Variants in USF3 observed in about 807,000 individuals in gnomAD.
USF3 encodes the protein basic helix-loop-helix domain-containing protein USF3.
USF3 carries 29 observed loss-of-function variants against 157.5 expected under a neutral mutation model. The ratio of observed to expected loss-of-function variants is 0.18; its 90% CI spans 0.14 to 0.25. The LOEUF (loss-of-function observed/expected upper bound fraction) is 0.25. USF3 is among the 10% of genes least tolerant of loss of function. The pLI is 1.00. For missense variants in USF3, 2,381 were observed against 2,667.6 expected, an observed-to-expected ratio of 0.89 and a Z score of 2.37; for synonymous variants, 893 against 941.4, an observed-to-expected ratio of 0.95 and a Z score of 0.94.
intron 1 of USF3, among the ~76,000 whole-genome samples, chr3:113,680,938 T>TA (rs1707407477): frequency 6.6e-6 from 1 of 152,174 alleles, no homozygotes; most frequent in Non-Finnish European, 1.5e-5. Flanking sequence ...TCTAGTTTCT[T>TA]AAGATGTACT....
At chr3:113,695,638 T>C (rs1323814500) in intron 1 of USF3, among the ~76,000 whole-genome samples, 1 of 152,200 alleles carries the variant, frequency 6.6e-6, no homozygotes, top group East Asian at 1.9e-4. Flanking sequence ...CAGTCTCATA[T>C]TTCCAGATAA....
chr3:113,655,484 A>C lies in USF3; in HGVS notation c.6198T>G (p.Ser2066=). The C allele has an allele frequency of 6.2e-7, 1 of 1,614,168 alleles. No homozygotes were observed. Among genetic ancestry groups the C allele is most frequent in the Non-Finnish European group, 8.5e-7 (1 of 1,180,026 alleles). ...QHTLSQNFGF[S]FIPEGGMNPP... ...GATTCATGCCACCCTCAGGAATAAA[A>C]GAAAAACCAAAATTTTGTGATAGTG... Residue 2066 remains serine, a synonymous_variant, in exon 7 of 7, where the codon TCT becomes TCG. Coordinates refer to ENST00000316407, the MANE Select transcript of USF3 (RefSeq NM_001009899.4).
rs909551269 is a variant in USF3 at position 113,680,132 on chromosome 3, T to A, written c.-134-2735A>T. Among the ~76,000 whole-genome samples, 32 of 150,360 alleles carry A rather than the reference T, an allele frequency of 2.1e-4. 1 individual carries two copies. Among genetic ancestry groups the A allele is most frequent in the Admixed American group, 2.1e-3 (32 of 15,048 alleles). ...GTAACATTGGCTTCACAGAATGAAT[T>A]CGAAGTATTCCCTCCTCCTCTATTT... On this transcript the variant is annotated intron_variant, in intron 1 of 6. Coordinates refer to ENST00000316407, the MANE Select transcript of USF3 (RefSeq NM_001009899.4).
chr3:113,694,055 A>T (rs539865657), intron 1 of USF3, among the ~76,000 whole-genome samples: 1 of 152,346 alleles, frequency 6.6e-6, no homozygotes, highest in East Asian at 1.9e-4. Context: ...TTTACTCCAG[A>T]TCAAAAATAA....
At chr3:113,681,647 C>G (rs991041133) in intron 1 of USF3, among the ~76,000 whole-genome samples, 2 of 149,242 alleles carry the variant, frequency 1.3e-5, no homozygotes, top group Non-Finnish European at 3.0e-5. Context: ...GGTGATCCGC[C>G]TGCTTCGGCC....
intron 4 of USF3, among the ~76,000 whole-genome samples, chr3:113,672,211 G>C (rs903749252): frequency 6.8e-6 from 1 of 146,526 alleles, no homozygotes; most frequent in East Asian, 2.0e-4. Context: ...GCACGATCTC[G>C]CTTAACTGCA....
intron 3 of USF3, among the ~76,000 whole-genome samples, chr3:113,673,788 C>A (rs1369926515): frequency 6.6e-6 from 1 of 152,228 alleles, no homozygotes; most frequent in Non-Finnish European, 1.5e-5. Context: ...GCAGGAGACA[C>A]AAGCAACAGC....
At chr3:113,689,170 GCTGGCAGGTA>G (rs1256104235) in intron 1 of USF3, among the ~76,000 whole-genome samples, 1 of 152,232 alleles carries the variant, frequency 6.6e-6, no homozygotes, top group Admixed American at 6.5e-5. Flanking sequence ...ACATCTCAAA[GCTGGCAGGTA>G]CTGGCTATCT....
In USF3 at chr3:113,652,423, C is replaced by T. The variant is rs554177121; in HGVS notation, c.*2521G>A. The T allele has an allele frequency of 1.3e-5, 2 of 151,780 alleles. No homozygotes were observed. The highest frequency in any genetic ancestry group is 3.9e-4 in the East Asian group (2 of 5,160). The allele number at this position is 151,780 out of a possible 1,614,324, so 9.4% of individuals were successfully genotyped here. On this transcript the variant is annotated 3_prime_UTR_variant, in exon 7 of 7. Transcript: ENST00000316407. ...TTCATGAAGCTCTCCTATTCTTCCC[C>T]AAGACCATTTTGAAGAAAGAAAATA... is the stretch of plus-strand genomic sequence containing the variant.
In USF3 at chr3:113,659,559, A is replaced by T; in HGVS notation, c.2123T>A (p.Phe708Tyr). ...DPNTNVALNT[F>Y]GALASLNQSI... ...TTGATTGAGGCTGGCCAAAGCACCAAATGTATTCAGGGCAACATTGGTATT... is the reference window on the plus strand; with the variant it reads ...TTGATTGAGGCTGGCCAAAGCACCATATGTATTCAGGGCAACATTGGTATT... Residue 708 changes from phenylalanine to tyrosine, a missense_variant, in exon 7 of 7, where the codon TTT becomes TAT. By Grantham distance (22) the Phe-to-Tyr change is conservative. Coordinates refer to ENST00000316407, the MANE Select transcript of USF3 (RefSeq NM_001009899.4). The T allele has an allele frequency of 6.2e-7, 1 of 1,614,152 alleles. No homozygotes were observed. The highest frequency in any genetic ancestry group is 1.3e-5 in the African/African-American group (1 of 75,066).
At chr3:113,671,764 CCTT>C in intron 4 of USF3, among the ~76,000 whole-genome samples, 1 of 134,136 alleles carries the variant, frequency 7.5e-6, no homozygotes, top group East Asian at 2.1e-4. Flanking sequence ...TTTTCTTCTT[CCTT>C]TTTTTTTTTT....
Position 113,656,115 on chromosome 3 carries a change from T to C in USF3, c.5567A>G (p.Tyr1856Cys). 1 of 1,614,238 alleles carries C rather than the reference T, an allele frequency of 6.2e-7. No individual in the cohort carries two copies. The highest frequency in any genetic ancestry group is 8.5e-7 in the Non-Finnish European group (1 of 1,180,040). The change falls in exon 7 of 7, where the codon TAT becomes TGT. Residue 1856 changes from tyrosine to cysteine, a missense_variant. Physicochemically the swap from Tyr to Cys is radical, Grantham distance 194 (BLOSUM62 -2). Around this residue, in one of 6 missense-constraint regions of USF3, gnomAD observed 770 missense variants for 824.2 expected, o/e 0.93. Transcript: ENST00000316407. ...TQCGPSSAIE[Y>C]NCPPTHENVH... ...ATTTTCATGAGTTGGGGGACAATTA[T>C]ATTCAATTGCAGAGGATGGACCACA...
chr3:113,689,654 T>C (rs1366360507), intron 1 of USF3, among the ~76,000 whole-genome samples: 1 of 152,226 alleles, frequency 6.6e-6, no homozygotes, highest in African/African-American at 2.4e-5. Flanking sequence ...TCTCTCCTCA[T>C]GTTCCTGTGA....
rs1161909831 is a variant in USF3, at chr3:113,655,124, G to A, written c.6558C>T (p.Ser2186=). The change falls in exon 7 of 7, where the codon TCC becomes TCT. Residue 2186 remains serine (S), a synonymous_variant. Transcript: ENST00000316407. The part of the protein sequence containing the change: ...PPMHMTNSHL[S]NFNMTSLFPE... ...GAAACAAAGATGTCATATTAAAATT[G>A]GATAAGTGAGAGTTGGTCATGTGCA... is the stretch of plus-strand genomic sequence containing the variant. The A allele has an allele frequency of 6.2e-7, 1 of 1,614,050 alleles. No individual in the cohort carries two copies. Among genetic ancestry groups the A allele is most frequent in the Non-Finnish European group, 8.5e-7 (1 of 1,180,004 alleles).
chr3:113,678,323 T>C (rs897164112), intron 1 of USF3, among the ~76,000 whole-genome samples: 1 of 152,178 alleles, frequency 6.6e-6, no homozygotes, highest in Admixed American at 6.5e-5. Context: ...GTTCTAGTTG[T>C]CTAAACATCT....
chr3:113,665,864 G>C (rs1947557414), intron 5 of USF3, among the ~76,000 whole-genome samples: 1 of 150,860 alleles, frequency 6.6e-6, no homozygotes, highest in East Asian at 2.0e-4. Flanking sequence ...ACAGACAAAA[G>C]GATTTTGTAT....
At position 113,655,424 on chromosome 3, in the gene USF3, C is replaced by G. The variant is rs759575786; in HGVS notation, c.6258G>C (p.Gln2086His). 2 of 1,614,140 alleles carry G rather than the reference C, an allele frequency of 1.2e-6. No individual in the cohort carries two copies. Among genetic ancestry groups the G allele is most frequent in the Non-Finnish European group, 1.7e-6 (2 of 1,180,032 alleles). Reference protein sequence around the residue: ...PINANASFIPQVTQPSATRTP... With the variant: ...PINANASFIPHVTQPSATRTP... ...TTCGAGTGGCACTAGGCTGAGTAACCTGTGGAATGAAAGAAGCATTAGCAT... is the reference window on the plus strand; with the variant it reads ...TTCGAGTGGCACTAGGCTGAGTAACGTGTGGAATGAAAGAAGCATTAGCAT... Residue 2086 changes from glutamine (Q) to histidine (H), a missense_variant, in exon 7 of 7, where the codon CAG becomes CAC. Physicochemically the swap from Gln to His is conservative, Grantham distance 24. Coordinates refer to ENST00000316407, the MANE Select transcript of USF3 (RefSeq NM_001009899.4).
rs1030436022 is a variant in USF3 at position 113,653,619 on chromosome 3, A to C, written c.*1325T>G. Reference sequence around the variant, plus strand: ...CTCCATCTATTAAAAAAAAAAAAAAAAAAAAAACCCTACCTATATCAAGTT... The same window carrying C: ...CTCCATCTATTAAAAAAAAAAAAAACAAAAAAACCCTACCTATATCAAGTT... On this transcript the variant is annotated 3_prime_UTR_variant, in exon 7 of 7. Transcript: ENST00000316407. The C allele has an allele frequency of 7.9e-5, 12 of 151,842 alleles. No individual in the cohort carries two copies. The highest frequency in any genetic ancestry group is 2.9e-4 in the African/African-American group (12 of 41,272). 9.4% of individuals were successfully genotyped at this position (151,842 alleles called of 1,614,324 possible). A position where few individuals can be genotyped will look rare whatever the true frequency, so the allele number is the denominator to read the frequency against.
chr3:113,665,797 C>CAG (rs1471440747), intron 5 of USF3, among the ~76,000 whole-genome samples: 1 of 152,202 alleles, frequency 6.6e-6, no homozygotes, highest in African/African-American at 2.4e-5. Context: ...CACTGCACTC[C>CAG]AGCTTGGGCA....
Sources: gnomAD v4.1 joint callset for allele counts (sites outside exome capture counted in the v4.1 genomes callset) on GRCh38, gnomAD v4.1.1 for gene constraint, gnomAD v4.1.1 regional missense constraint, MANE v1.5 for transcripts, NCBI Gene and HGNC (gene_info 2026-07-23, HGNC 2026-07-21) for gene names.